Variants in ANKRD44 observed in about 807,000 individuals in gnomAD.
ANKRD44 encodes serine/threonine-protein phosphatase 6 regulatory ankyrin repeat subunit B.
In ANKRD44, 35 loss-of-function variants were observed where a neutral mutation model predicts 116.0. The observed-to-expected ratio is 0.30, with a 90% CI of 0.23 to 0.40. ANKRD44 has a LOEUF of 0.40. Among genes scored for constraint, ANKRD44 ranks in the 10% least tolerant of loss-of-function variants. The probability of loss-of-function intolerance (pLI) is 1.00; values close to 1 mark genes in which losing one functional copy is unlikely to be tolerated. For synonymous variants in ANKRD44, 435 were observed against 461.8 expected (o/e 0.94, Z 0.74); for missense variants, 1,014 against 1,242.6 (o/e 0.82, Z 2.77).
intron 9 of ANKRD44, among the ~76,000 whole-genome samples, chr2:197,103,036 T>TG (rs746040091): frequency 6.0e-4 from 91 of 152,164 alleles, no homozygotes; most frequent in Admixed American, 5.1e-3. Context: ...AAGACCATCC[T>TG]GGCAAACACG....
chr2:197,026,882 G>A (rs193095645), intron 16 of ANKRD44, among the ~76,000 whole-genome samples: 115 of 152,126 alleles, frequency 7.6e-4, no homozygotes, highest in Middle Eastern at 6.8e-3. Flanking sequence ...ATGCTGATGG[G>A]CTGAATATGA....
chr2:196,990,572 G>A, intron 27 of ANKRD44: 1 of 1,230,360 alleles, frequency 8.1e-7, no homozygotes, highest in Non-Finnish European at 1.0e-6. Flanking sequence ...ACTAGCTTCT[G>A]GAAGCCCAGG....
chr2:197,030,420 C>A (rs2076682746), intron 16 of ANKRD44, among the ~76,000 whole-genome samples: 1 of 152,140 alleles, frequency 6.6e-6, no homozygotes, highest in Non-Finnish European at 1.5e-5. Flanking sequence ...GATAGAGAAG[C>A]AAGACACAGG....
rs2082985265 is a variant in ANKRD44, at chr2:197,273,979, A to T, written c.27+36599T>A. On this transcript the variant is annotated intron_variant, in intron 1 of 27. Transcript: ENST00000282272. ...CAACCACAAAAAAAAAAAAAAAAAA[A>T]AATATATATATATATATATATATAT... 1.0e-4 allele frequency among the ~76,000 whole-genome samples: 5 copies of T among 50,010 alleles called. 1 individual carries two copies. The highest frequency in any genetic ancestry group is 1.8e-4 in the Non-Finnish European group (5 of 27,038). 32.8% of individuals were successfully genotyped at this position (50,010 alleles called of 152,430 possible). A position where few individuals can be genotyped will look rare whatever the true frequency, so the allele number is the denominator to read the frequency against.
chr2:197,289,325 G>A (rs1036026583), intron 1 of ANKRD44, among the ~76,000 whole-genome samples: 4 of 152,204 alleles, frequency 2.6e-5, no homozygotes, highest in Non-Finnish European at 5.9e-5. Context: ...TTGGGGGAGT[G>A]TGAAATGGTA....
At chr2:197,120,565 C>T (rs566994643) in intron 8 of ANKRD44, among the ~76,000 whole-genome samples, 16 of 152,068 alleles carry the variant, frequency 1.1e-4, no homozygotes, top group African/African-American at 3.6e-4. Flanking sequence ...GCAGGAGAAT[C>T]GCTTGAACCT....
intron 1 of ANKRD44, among the ~76,000 whole-genome samples, chr2:197,269,758 A>T (rs1360364505): frequency 6.6e-6 from 1 of 152,166 alleles, no homozygotes; most frequent in Non-Finnish European, 1.5e-5. Context: ...TGGGAGGTAT[A>T]AGTACCCTGG....
At chr2:197,037,425 A>T (rs1292724198) in intron 16 of ANKRD44, among the ~76,000 whole-genome samples, 2 of 152,230 alleles carry the variant, frequency 1.3e-5, no homozygotes, top group African/African-American at 4.8e-5. Context: ...CTTCATGGCC[A>T]TTAAACTGCA....
intron 1 of ANKRD44, among the ~76,000 whole-genome samples, chr2:197,298,306 C>T (rs1169953971): frequency 6.6e-6 from 1 of 152,196 alleles, no homozygotes; most frequent in Non-Finnish European, 1.5e-5. Flanking sequence ...ACTGGACAAG[C>T]CAAATCCAGG....
At chr2:197,092,748 G>A (rs1392799770) in intron 10 of ANKRD44, among the ~76,000 whole-genome samples, 1 of 152,200 alleles carries the variant, frequency 6.6e-6, no homozygotes, top group Non-Finnish European at 1.5e-5. Context: ...CATCAGTGAT[G>A]ACCTTGATGC....
At chr2:197,025,132 C>A in intron 17 of ANKRD44, 64 bp downstream of exon 17, 3 of 1,475,064 alleles carry the variant, frequency 2.0e-6, no homozygotes, top group Non-Finnish European at 2.8e-6. Flanking sequence ...TAAGAGCAAT[C>A]TAGTTTTAGG....
At chr2:197,164,105 C>G (rs1417919292) in intron 2 of ANKRD44, among the ~76,000 whole-genome samples, 1 of 152,236 alleles carries the variant, frequency 6.6e-6, no homozygotes, top group Non-Finnish European at 1.5e-5. Context: ...CGGTGTGCTG[C>G]AGGCCCAGTC....
At chr2:197,227,004 G>A (rs1321201941) in intron 1 of ANKRD44, among the ~76,000 whole-genome samples, 1 of 152,116 alleles carries the variant, frequency 6.6e-6, no homozygotes, top group African/African-American at 2.4e-5. Context: ...TTTACCCTAG[G>A]AGTTCACTGC....
At chr2:197,118,637 GAGAAAGAAAGAA>G (rs71012953) in intron 8 of ANKRD44, among the ~76,000 whole-genome samples, 2 of 112,358 alleles carry the variant, frequency 1.8e-5, no homozygotes, top group African/African-American at 3.3e-5. Context: ...GAGAGAGAGA[GAGAAAGAAAGAA>G]AGAAAGAAAG....
chr2:197,297,947 A>G (rs911387366), intron 1 of ANKRD44, among the ~76,000 whole-genome samples: 1 of 152,218 alleles, frequency 6.6e-6, no homozygotes, highest in African/African-American at 2.4e-5. Context: ...TACTCATGAC[A>G]GTATCATTTA....
At chr2:197,076,435 A>C (rs773835531) in intron 16 of ANKRD44, among the ~76,000 whole-genome samples, 1 of 152,192 alleles carries the variant, frequency 6.6e-6, no homozygotes, top group Non-Finnish European at 1.5e-5. Context: ...CTACAGAAAG[A>C]GGGAAAATAT....
At chr2:197,286,081 G>A (rs772699620) in intron 1 of ANKRD44, among the ~76,000 whole-genome samples, 6 of 152,192 alleles carry the variant, frequency 3.9e-5, no homozygotes, top group Non-Finnish European at 7.3e-5. Flanking sequence ...TTTGACCATT[G>A]CAGCTGGTGG....
chr2:197,008,057 T>A, intron 19 of ANKRD44, 134 bp from the exon 20 acceptor site: 1 of 651,776 alleles, frequency 1.5e-6, no homozygotes, highest in Non-Finnish European at 2.7e-6. Context: ...TTTCTAAGTG[T>A]CCCCAGTTTG....
chr2:196,990,766 G>A (rs2075900389), intron 27 of ANKRD44: 2 of 1,232,066 alleles, frequency 1.6e-6, no homozygotes, highest in Non-Finnish European at 2.0e-6. Flanking sequence ...ATGCTACCCA[G>A]ATTGGAGAGG....
Sources: allele counts gnomAD v4.1 joint callset (sites outside exome capture counted in the v4.1 genomes callset), GRCh38; gene constraint gnomAD v4.1.1; transcripts MANE v1.5; gene names NCBI Gene and HGNC (gene_info 2026-07-23, HGNC 2026-07-21).